The following ABL2 variants were observed in gnomAD, a reference collection of about 807,000 sequenced individuals.
ABL2 encodes ABL proto-oncogene 2, non-receptor tyrosine kinase.
ABL2 carries 49 observed loss-of-function variants against 107.7 expected under a neutral mutation model. The observed-to-expected ratio is 0.45, with a 90% CI of 0.36 to 0.58. The LOEUF (loss-of-function observed/expected upper bound fraction) is 0.58. Among genes scored for constraint, ABL2 ranks in the 20% least tolerant of loss-of-function variants. The pLI, the probability that ABL2 is intolerant of heterozygous loss-of-function variation, is 0.00. For missense variants in ABL2, 1,245 were observed against 1,457.0 expected, an observed-to-expected ratio of 0.85 and a Z score of 2.37; for synonymous variants, 549 against 548.6, an observed-to-expected ratio of 1.00 and a Z score of -0.01.
intron 1 of ABL2, among the ~76,000 whole-genome samples, chr1:179,196,736 G>C (rs1661328578): frequency 6.6e-6 from 1 of 151,522 alleles, no homozygotes; most frequent in Non-Finnish European, 1.5e-5. Context: ...ACTCCAGCCT[G>C]GGCAACAAGA....
At chr1:179,228,674 A>C (rs932404451) in intron 1 of ABL2, among the ~76,000 whole-genome samples, 1 of 152,182 alleles carries the variant, frequency 6.6e-6, no homozygotes, top group African/African-American at 2.4e-5. Flanking sequence ...AATAAACCAC[A>C]AAAGCATGTC....
Position 179,229,612 on chromosome 1 carries a change from G to C in ABL2, c.-215C>G, listed in dbSNP as rs1310666317. 3 of 528,722 alleles carry C rather than the reference G, an allele frequency of 5.7e-6. No homozygotes were observed. The highest frequency in any genetic ancestry group is 9.4e-6 in the Non-Finnish European group (3 of 317,570). The allele number at this position is 528,722 out of a possible 1,614,324, so 32.8% of individuals were successfully genotyped here. On this transcript the variant is annotated 5_prime_UTR_variant, in exon 1 of 12. Coordinates refer to ENST00000502732, the MANE Select transcript of ABL2 (RefSeq NM_007314.4). ...ACAGATTCTGCTTTTCCCTCCTCCTGTCGCGGCTCCGCGCCCCCAACGCCG... is the reference window on the plus strand; with the variant it reads ...ACAGATTCTGCTTTTCCCTCCTCCTCTCGCGGCTCCGCGCCCCCAACGCCG...
Position 179,126,267 on chromosome 1 carries a change from T to A in ABL2, c.687+110A>T. The stretch of plus-strand genomic sequence containing the variant: ...AGCCCAAACTCACAAAGCTAGTGAA[T>A]ATTTTATTTCACGTCAGACATAAAA... On this transcript the variant is annotated intron_variant, in intron 4 of 11. Transcript: ENST00000502732. The surrounding 1 kb of genome is among the most constrained non-coding windows in gnomAD (Gnocchi z 4.4). 7.9e-7 allele frequency: 1 copy of A among 1,265,872 alleles called. No homozygotes were observed. Among genetic ancestry groups the A allele is most frequent in the Non-Finnish European group, 1.1e-6 (1 of 917,896 alleles). The allele number at this position is 1,265,872 out of a possible 1,614,324, so 78.4% of individuals were successfully genotyped here. A position where few individuals can be genotyped will look rare whatever the true frequency, so the allele number is the denominator to read the frequency against.
Position 179,102,831 on chromosome 1 carries a change from T to C in ABL2, c.*4887A>G, listed in dbSNP as rs953430583. The C allele has an allele frequency of 8.9e-6, 2 of 225,514 alleles. No individual in the cohort carries two copies. The highest frequency in any genetic ancestry group is 2.2e-5 in the African/African-American group (1 of 44,894). The allele number at this position is 225,514 out of a possible 1,614,324, so 14.0% of individuals were successfully genotyped here. A position where few individuals can be genotyped will look rare whatever the true frequency, so the allele number is the denominator to read the frequency against. Reference sequence around the variant, plus strand: ...ATAATAGGTGAATTAAATTCAGCTATTCTTTTTAGAAAAAGAAAAAAAAGA... The same window carrying C: ...ATAATAGGTGAATTAAATTCAGCTACTCTTTTTAGAAAAAGAAAAAAAAGA... On this transcript the variant is annotated 3_prime_UTR_variant, in exon 12 of 12. Transcript: ENST00000502732.
Position 179,207,967 on chromosome 1 carries a change from C to CT in ABL2, c.157+21273dup, listed in dbSNP as rs201709329. ...TCATTCTAATTATCTCTTAAATATC[C>CT]TTTTTTTTTGAATAAGTATTTTCCT... is the stretch of plus-strand genomic sequence containing the variant. On this transcript the variant is annotated intron_variant, in intron 1 of 11. Coordinates refer to ENST00000502732, the MANE Select transcript of ABL2 (RefSeq NM_007314.4). Among the ~76,000 whole-genome samples the CT allele has an allele frequency of 1.0e-3, 156 of 151,164 alleles. 1 individual carries two copies. Among genetic ancestry groups the CT allele is most frequent in the Admixed American group, 6.9e-3 (105 of 15,132 alleles).
At chr1:179,219,604 A>G (rs1345750628) in intron 1 of ABL2, among the ~76,000 whole-genome samples, 2 of 152,190 alleles carry the variant, frequency 1.3e-5, no homozygotes, top group Non-Finnish European at 2.9e-5. Context: ...CACTACATAT[A>G]CTGATACCCA....
At chr1:179,190,565 CT>C (rs978396379) in intron 1 of ABL2, among the ~76,000 whole-genome samples, 3 of 152,136 alleles carry the variant, frequency 2.0e-5, no homozygotes, top group African/African-American at 4.8e-5. Flanking sequence ...ATGACGTTAA[CT>C]TTCAGCCTCT....
intron 1 of ABL2, among the ~76,000 whole-genome samples, chr1:179,165,242 C>T (rs1279230051): frequency 6.6e-6 from 1 of 152,130 alleles, no homozygotes; most frequent in Non-Finnish European, 1.5e-5. Flanking sequence ...ACTACTGTAA[C>T]AGGAACCAGG....
intron 1 of ABL2, among the ~76,000 whole-genome samples, chr1:179,144,240 A>C (rs1657836989): frequency 6.6e-6 from 1 of 151,806 alleles, no homozygotes; most frequent in African/African-American, 2.4e-5. Context: ...GGTGTATCAC[A>C]AGGTCAGGAG....
chr1:179,155,149 TAG>T (rs2102739008), intron 1 of ABL2, among the ~76,000 whole-genome samples: 1 of 152,316 alleles, frequency 6.6e-6, no homozygotes, highest in South Asian at 2.1e-4. Flanking sequence ...TCTAATGCAA[TAG>T]AGAGTGGTAC....
chr1:179,107,583 C>T lies in ABL2; in HGVS notation c.*135G>A. The T allele has an allele frequency of 6.8e-7, 1 of 1,465,122 alleles. No homozygotes were observed. 90.8% of individuals were successfully genotyped at this position (1,465,122 alleles called of 1,614,324 possible). ...AGATGAAACTGTAAACGTGAGAACT[C>T]AGGGATCTGAGGTACTTCACATAAA... On this transcript the variant is annotated 3_prime_UTR_variant, in exon 12 of 12. Coordinates refer to ENST00000502732, the MANE Select transcript of ABL2 (RefSeq NM_007314.4).
chr1:179,157,808 G>A (rs540606303), intron 1 of ABL2, among the ~76,000 whole-genome samples: 5 of 151,324 alleles, frequency 3.3e-5, no homozygotes, highest in East Asian at 2.0e-4. Flanking sequence ...GGCCTCAAGC[G>A]ATCCTCCTGC....
In ABL2 at chr1:179,118,761, A is replaced by G; in HGVS notation, c.1049T>C (p.Val350Ala). The G allele has an allele frequency of 6.2e-7, 1 of 1,613,968 alleles. No individual in the cohort carries two copies. The highest frequency in any genetic ancestry group is 1.1e-5 in the South Asian group (1 of 91,070). Residue 350 changes from valine (V) to alanine (A), a missense_variant, in exon 7 of 12, where the codon GTG becomes GCG. Physicochemically the swap from Val to Ala is moderately conservative, Grantham distance 64. This residue lies in a region of ABL2 where 320 missense variants were observed against 547.0 expected (regional missense o/e 0.59). Transcript: ENST00000502732. Reference protein sequence around the residue: ...KHPNLVQLLGVCTLEPPFYIV... With the variant: ...KHPNLVQLLGACTLEPPFYIV... ...GTAAAATGGTGGCTCCAAAGTACAC[A>G]CACCTAAAAGTTGAACAATAGTGCT...
chr1:179,108,559 C>G lies in ABL2; in HGVS notation c.2708G>C (p.Gly903Ala), dbSNP rs771395648. The part of the protein sequence containing the change: ...KNGGARLGMA[G>A]VPEDGEQPGW... ...CGGCTGCTCTCCATCCTCTGGAACT[C>G]CAGCCATCCCAAGTCGTGCCCCACC... is the stretch of plus-strand genomic sequence containing the variant. The change falls in exon 12 of 12, where the codon GGA becomes GCA. Residue 903 changes from glycine (G) to alanine (A), a missense_variant. Gly to Ala is a moderately conservative substitution (Grantham distance 60, BLOSUM62 0). Around this residue, in one of 3 missense-constraint regions of ABL2, gnomAD observed 761 missense variants for 766.4 expected, o/e 0.99. Coordinates refer to ENST00000502732, the MANE Select transcript of ABL2 (RefSeq NM_007314.4). 6.2e-7 allele frequency: 1 copy of G among 1,614,130 alleles called. No individual in the cohort carries two copies. The highest frequency in any genetic ancestry group is 8.5e-7 in the Non-Finnish European group (1 of 1,180,026).
intron 1 of ABL2, among the ~76,000 whole-genome samples, chr1:179,178,644 C>T (rs553991019): frequency 8.5e-5 from 13 of 152,224 alleles, no homozygotes; most frequent in Non-Finnish European, 1.5e-4. Context: ...AATTCCAGCA[C>T]TTTGGGAGGC....
intron 1 of ABL2, among the ~76,000 whole-genome samples, chr1:179,154,809 T>C (rs1658581736): frequency 6.6e-6 from 1 of 152,200 alleles, no homozygotes; most frequent in African/African-American, 2.4e-5. Context: ...AAGGTATAGG[T>C]GTTCTGAGAT....
intron 1 of ABL2, among the ~76,000 whole-genome samples, chr1:179,226,851 A>G (rs1216287830): frequency 6.6e-6 from 1 of 152,130 alleles, no homozygotes; most frequent in Non-Finnish European, 1.5e-5. Flanking sequence ...GCCCTTAACA[A>G]ATACTCCAAA....
At chr1:179,176,600 G>A (rs1367908726) in intron 1 of ABL2, among the ~76,000 whole-genome samples, 1 of 151,774 alleles carries the variant, frequency 6.6e-6, no homozygotes, top group Non-Finnish European at 1.5e-5. Context: ...TTTGGGAGCT[G>A]AAGGCAAATA....
chr1:179,186,207 T>C (rs1660676345), intron 1 of ABL2, among the ~76,000 whole-genome samples: 2 of 151,998 alleles, frequency 1.3e-5, no homozygotes, highest in South Asian at 4.2e-4. Flanking sequence ...ATGGCATCAC[T>C]GCACTCCAGC....
Sources: allele counts gnomAD v4.1 joint callset (sites outside exome capture counted in the v4.1 genomes callset), GRCh38; gene constraint gnomAD v4.1.1; regional missense constraint gnomAD v4.1.1; non-coding constraint Gnocchi (gnomAD v3.1); transcripts MANE v1.5; gene names NCBI Gene and HGNC (gene_info 2026-07-23, HGNC 2026-07-21).